Variants in ABTB2 observed in about 807,000 individuals in gnomAD.
The protein encoded by ABTB2 is ankyrin repeat and BTB/POZ domain-containing protein 2.
Under a neutral mutation model 104.1 loss-of-function variants are expected in ABTB2, and 56 were observed. The ratio of observed to expected loss-of-function variants is 0.54; its 90% CI spans 0.43 to 0.67. ABTB2 has a LOEUF of 0.67. Among genes scored for constraint, ABTB2 ranks in the 30% least tolerant of loss-of-function variants. The probability of loss-of-function intolerance (pLI) is 0.00; values close to 1 mark genes in which losing one functional copy is unlikely to be tolerated. For synonymous variants in ABTB2, 606 were observed against 608.2 expected, an observed-to-expected ratio of 1.00 and a Z score of 0.05; for missense variants, 1,279 against 1,407.7, an observed-to-expected ratio of 0.91 and a Z score of 1.46.
At chr11:34,298,359 G>A (rs1854652125) in intron 1 of ABTB2, among the ~76,000 whole-genome samples, 2 of 149,332 alleles carry the variant, frequency 1.3e-5, no homozygotes, top group Admixed American at 1.3e-4. Flanking sequence ...ATTTCAAAAT[G>A]CAAAAAAGTT....
intron 1 of ABTB2, among the ~76,000 whole-genome samples, chr11:34,262,653 G>C (rs1051221033): frequency 2.0e-5 from 3 of 152,286 alleles, no homozygotes; most frequent in African/African-American, 7.2e-5. Context: ...CCCCACAGCA[G>C]GGACTGTTTC....
chr11:34,325,198 T>C (rs565267471), intron 1 of ABTB2, among the ~76,000 whole-genome samples: 13 of 152,324 alleles, frequency 8.5e-5, no homozygotes, highest in Non-Finnish European at 1.6e-4. Flanking sequence ...TATGAATATT[T>C]ACAGGAGGAT....
At chr11:34,337,053 C>T (rs142155875) in intron 1 of ABTB2, among the ~76,000 whole-genome samples, 1 of 152,152 alleles carries the variant, frequency 6.6e-6, no homozygotes, top group East Asian at 1.9e-4. Context: ...ATACCCACAC[C>T]GTCAATCACA....
At chr11:34,241,644 C>A (rs570629977) in intron 1 of ABTB2, among the ~76,000 whole-genome samples, 2 of 152,186 alleles carry the variant, frequency 1.3e-5, no homozygotes, top group African/African-American at 4.8e-5. Context: ...GTAATCACAG[C>A]GCTTTGGGAA....
intron 1 of ABTB2, among the ~76,000 whole-genome samples, chr11:34,345,015 C>T (rs982135814): frequency 3.3e-5 from 5 of 152,178 alleles, no homozygotes; most frequent in African/African-American, 1.2e-4. Flanking sequence ...TGGCTGGTCC[C>T]GCTGCGTCCA....
At chr11:34,336,063 A>G (rs1251280475) in intron 1 of ABTB2, 3 of 381,202 alleles carry the variant, frequency 7.9e-6, no homozygotes, top group Non-Finnish European at 1.4e-5. Flanking sequence ...TCCAGTCACC[A>G]CCACTGTCTC....
chr11:34,263,554 T>G (rs946662782), intron 1 of ABTB2, among the ~76,000 whole-genome samples: 3 of 152,100 alleles, frequency 2.0e-5, no homozygotes, highest in Non-Finnish European at 4.4e-5. Context: ...CCAAAGCTTA[T>G]CTGGATTGGA....
At chr11:34,207,834 T>C (rs1853428749) in intron 1 of ABTB2, among the ~76,000 whole-genome samples, 1 of 152,252 alleles carries the variant, frequency 6.6e-6, no homozygotes, top group Admixed American at 6.5e-5. Flanking sequence ...GCCTAGGATA[T>C]TGGAGAGGAA....
intron 1 of ABTB2, among the ~76,000 whole-genome samples, chr11:34,246,042 A>G (rs1853979660): frequency 6.6e-6 from 1 of 152,246 alleles, no homozygotes. Context: ...GTTCAGGCCA[A>G]TGCCTGGCAC....
At chr11:34,331,467 T>C (rs1437786582) in intron 1 of ABTB2, among the ~76,000 whole-genome samples, 2 of 152,198 alleles carry the variant, frequency 1.3e-5, no homozygotes, top group Non-Finnish European at 2.9e-5. Context: ...CATGTGTATT[T>C]TGGACTCCTT....
intron 14 of ABTB2, among the ~76,000 whole-genome samples, chr11:34,155,550 C>T (rs769189722): frequency 2.6e-4 from 40 of 152,250 alleles, no homozygotes; most frequent in Non-Finnish European, 5.6e-4. Context: ...GAAGAAACGG[C>T]TCCAGCAAGG....
chr11:34,272,706 C>CAAAAAAAAAAAAAAAAAAAAAAAAAA (rs35638814), intron 1 of ABTB2, among the ~76,000 whole-genome samples: 1 of 41,078 alleles, frequency 2.4e-5, no homozygotes, highest in Non-Finnish European at 4.5e-5. Context: ...GACTCCGTCT[C>CAAAAAAAAAAAAAAAAAAAAAAAAAA]AAAAAAAAAA....
At position 34,328,350 on chromosome 11, in the gene ABTB2, C is replaced by T. The variant is rs182426368; in HGVS notation, c.883+28351G>A. Among the ~76,000 whole-genome samples the T allele has an allele frequency of 6.6e-5, 10 of 152,232 alleles. No individual in the cohort carries two copies. In the East Asian group the frequency reaches 9.6e-4, roughly 15 times the overall value. ...CTATCCACAGCATCGGAGTGAGGGACGCAGGCTTTGCAGCTGGAGGGAGCC... is the reference window on the plus strand; with the variant it reads ...CTATCCACAGCATCGGAGTGAGGGATGCAGGCTTTGCAGCTGGAGGGAGCC... On this transcript the variant is annotated intron_variant, in intron 1 of 16. Transcript: ENST00000435224.
At chr11:34,297,996 G>T (rs1315597456) in intron 1 of ABTB2, among the ~76,000 whole-genome samples, 1 of 151,774 alleles carries the variant, frequency 6.6e-6, no homozygotes, top group African/African-American at 2.4e-5. Flanking sequence ...ATTCCCTTCT[G>T]GAGGGTGCAG....
At chr11:34,174,368 G>A (rs181833706) in intron 3 of ABTB2, among the ~76,000 whole-genome samples, 20 of 150,816 alleles carry the variant, frequency 1.3e-4, no homozygotes, top group African/African-American at 3.4e-4. Context: ...AAAGAGTAGC[G>A]GCTTCAAGTC....
At chr11:34,347,606 T>A (rs1855348834) in intron 1 of ABTB2, among the ~76,000 whole-genome samples, 1 of 152,178 alleles carries the variant, frequency 6.6e-6, no homozygotes, top group Non-Finnish European at 1.5e-5. Flanking sequence ...GACCGACACC[T>A]GAGTTATTAG....
At chr11:34,173,028 C>A in intron 4 of ABTB2, 127 bp downstream of exon 4, 1 of 1,219,068 alleles carries the variant, frequency 8.2e-7, no homozygotes, top group Non-Finnish European at 1.1e-6. Flanking sequence ...ACCCTTAGAA[C>A]AGCTCAAATG....
At chr11:34,335,267 T>A (rs1179852757) in intron 1 of ABTB2, 4 of 1,301,410 alleles carry the variant, frequency 3.1e-6, no homozygotes, top group African/African-American at 1.4e-5. Flanking sequence ...GTAGCATTCA[T>A]CAGTTTCAAA....
intron 1 of ABTB2, among the ~76,000 whole-genome samples, chr11:34,262,563 T>C (rs1393932632): frequency 1.3e-5 from 2 of 152,084 alleles, no homozygotes; most frequent in African/African-American, 2.4e-5. Context: ...CCAGCAACAA[T>C]CAAATCTATC....
Sources: allele counts gnomAD v4.1 joint callset (sites outside exome capture counted in the v4.1 genomes callset), GRCh38; gene constraint gnomAD v4.1.1; transcripts MANE v1.5; gene names NCBI Gene and HGNC (gene_info 2026-07-23, HGNC 2026-07-21).